Variants in LPXN observed in about 807,000 individuals in gnomAD.
The protein encoded by LPXN is leupaxin.
Under a neutral mutation model 45.6 loss-of-function variants are expected in LPXN, and 28 were observed. The observed-to-expected ratio is 0.61, with a 90% CI of 0.45 to 0.84. LPXN has a LOEUF of 0.84. Ranked by LOEUF, LPXN falls within the 40% of genes least tolerant of loss-of-function variation. The pLI, the probability that LPXN is intolerant of heterozygous loss-of-function variation, is 0.00. For synonymous variants in LPXN, 166 were observed against 169.9 expected, an observed-to-expected ratio of 0.98 and a Z score of 0.18; for missense variants, 459 against 475.0, an observed-to-expected ratio of 0.97 and a Z score of 0.31.
intron 1 of LPXN, among the ~76,000 whole-genome samples, chr11:58,572,834 G>T (rs917656918): frequency 6.6e-6 from 1 of 152,148 alleles, no homozygotes; most frequent in Non-Finnish European, 1.5e-5. Flanking sequence ...TATATATGAA[G>T]TAAGACTGAT....
At chr11:58,534,042 CAA>C (rs1853475691) in intron 7 of LPXN, among the ~76,000 whole-genome samples, 1 of 152,182 alleles carries the variant, frequency 6.6e-6, no homozygotes, top group African/African-American at 2.4e-5. Context: ...TAGAGACCTA[CAA>C]AGACTCTTAG....
At chr11:58,576,102 G>T (rs1196140972), upstream of LPXN, among the ~76,000 whole-genome samples, 1 of 151,986 alleles carries the variant, frequency 6.6e-6, no homozygotes. Context: ...ATTCATCTTG[G>T]ATTCATGGGA....
chr11:58,547,353 A>G (rs758547689), intron 7 of LPXN, among the ~76,000 whole-genome samples: 15 of 152,220 alleles, frequency 9.9e-5, no homozygotes, highest in Non-Finnish European at 1.8e-4. Flanking sequence ...TGACAAGGAG[A>G]GAATAGCTAG....
Position 58,549,974 on chromosome 11 carries a change from T to C in LPXN, c.659A>G (p.Asp220Gly). 1 of 1,614,090 alleles carries C rather than the reference T, an allele frequency of 6.2e-7. No homozygotes were observed. Among genetic ancestry groups the C allele is most frequent in the Non-Finnish European group, 8.5e-7 (1 of 1,179,948 alleles). The part of the protein sequence containing the change: ...RCAYCAAPIL[D>G]KVLTAMNQTW... The stretch of plus-strand genomic sequence containing the variant: ...GGAGAGGAGCGGGGATTTACTTACA[T>C]CCAGGATGGGAGCAGCGCAGTAAGC... Residue 220 changes from aspartate to glycine, a missense_variant and splice_region_variant, in exon 6 of 9, where the codon GAT becomes GGT. Asp to Gly is a moderately conservative substitution (Grantham distance 94). Coordinates refer to ENST00000395074, the MANE Select transcript of LPXN (RefSeq NM_004811.3).
intron 2 of LPXN, among the ~76,000 whole-genome samples, chr11:58,570,278 T>C (rs1239379253): frequency 6.7e-6 from 1 of 150,004 alleles, no homozygotes. Flanking sequence ...ACTCCAGCCT[T>C]GGAGACAGAG....
chr11:58,564,191 A>G lies in LPXN; in HGVS notation c.182T>C (p.Val61Ala), dbSNP rs745776960. The part of the protein sequence containing the change: ...DNTSPLPAQL[V>A]YTTNIQELNV... The stretch of plus-strand genomic sequence containing the variant: ...GAGCTCCTGGATATTGGTAGTATAC[A>G]CGAGCTGCGCCTAAGATATATAAGT... The change falls in exon 3 of 9, where the codon GTG becomes GCG. Residue 61 changes from valine (V) to alanine (A), a missense_variant. Transcript: ENST00000395074. 6.2e-7 allele frequency: 1 copy of G among 1,605,204 alleles called. No individual in the cohort carries two copies. Among genetic ancestry groups the G allele is most frequent in the South Asian group, 1.1e-5 (1 of 89,452 alleles).
At chr11:58,550,316 T>G (rs556835761) in intron 5 of LPXN, among the ~76,000 whole-genome samples, 170 bp from the exon 6 acceptor site, 1 of 152,364 alleles carries the variant, frequency 6.6e-6, no homozygotes, top group African/African-American at 2.4e-5. Context: ...CCATCTGTGG[T>G]CTGTGCTTTA....
chr11:58,528,264 C>G, intron 7 of LPXN, 73 bp from the exon 8 acceptor site: 1 of 1,349,106 alleles, frequency 7.4e-7, no homozygotes, highest in Non-Finnish European at 1.0e-6. Context: ...TGAGAGGAGG[C>G]CCTTTCAATC....
rs1590567926 is a variant in LPXN, at chr11:58,558,468, C to T, written c.219-3528G>A. ...AGGAGGATCACTTTGGCCCAGGAGGCCAAGGCTGCAGTGAGTTGTGATCAC... is the reference window on the plus strand; with the variant it reads ...AGGAGGATCACTTTGGCCCAGGAGGTCAAGGCTGCAGTGAGTTGTGATCAC... On this transcript the variant is annotated intron_variant, in intron 3 of 8. Coordinates refer to ENST00000395074, the MANE Select transcript of LPXN (RefSeq NM_004811.3). Among the ~76,000 whole-genome samples the T allele has an allele frequency of 2.1e-5, 3 of 142,370 alleles. No individual in the cohort carries two copies. In the South Asian group the frequency reaches 6.7e-4, roughly 32 times the overall value. 93.4% of individuals were successfully genotyped at this position (142,370 alleles called of 152,430 possible).
chr11:58,569,919 T>G (rs1303159389), intron 2 of LPXN, among the ~76,000 whole-genome samples: 1 of 152,176 alleles, frequency 6.6e-6, no homozygotes, highest in Non-Finnish European at 1.5e-5. Flanking sequence ...CCAGTCAAAC[T>G]GCAACAGGCA....
At chr11:58,559,814 T>G (rs1041988969) in intron 3 of LPXN, among the ~76,000 whole-genome samples, 1 of 152,186 alleles carries the variant, frequency 6.6e-6, no homozygotes, top group African/African-American at 2.4e-5. Flanking sequence ...AGGTCAAGGC[T>G]GCAGTGAGCC....
In LPXN at chr11:58,550,257, G is replaced by T; in HGVS notation, c.487-111C>A. 6.0e-6 allele frequency: 6 copies of T among 1,003,972 alleles called. No homozygotes were observed. The South Asian group carries it at 7.2e-5, about 12-fold the overall frequency. 62.2% of individuals were successfully genotyped at this position (1,003,972 alleles called of 1,614,324 possible). A position where few individuals can be genotyped will look rare whatever the true frequency, so the allele number is the denominator to read the frequency against. On this transcript the variant is annotated intron_variant, in intron 5 of 8. Coordinates refer to ENST00000395074, the MANE Select transcript of LPXN (RefSeq NM_004811.3). ...ACATTGTACCCCTTGTAGACAACAC[G>T]CCCTGGAATTATACAACACTGAGGC...
intron 1 of LPXN, among the ~76,000 whole-genome samples, chr11:58,573,212 C>T (rs1854762846): frequency 6.7e-6 from 1 of 148,496 alleles, no homozygotes; most frequent in South Asian, 2.1e-4. Flanking sequence ...TGCCATTGCA[C>T]TCCAGCCTGG....
chr11:58,564,967 T>G (rs1854484836), intron 2 of LPXN, among the ~76,000 whole-genome samples: 1 of 152,082 alleles, frequency 6.6e-6, no homozygotes, highest in Non-Finnish European at 1.5e-5. Flanking sequence ...GGAGCATCTG[T>G]GGAACCACGA....
At chr11:58,535,466 A>G (rs760156462) in intron 7 of LPXN, among the ~76,000 whole-genome samples, 87 of 152,296 alleles carry the variant, frequency 5.7e-4, no homozygotes, top group Non-Finnish European at 1.1e-3. Flanking sequence ...ATAAAATTTA[A>G]CACCCCTTCA....
At chr11:58,544,590 A>G (rs1002324152) in intron 7 of LPXN, among the ~76,000 whole-genome samples, 26 of 152,176 alleles carry the variant, frequency 1.7e-4, no homozygotes, top group Non-Finnish European at 3.4e-4. Flanking sequence ...CAGGAAAGAA[A>G]TCAAAAGCAA....
At chr11:58,531,700 AC>A (rs1853392583) in intron 7 of LPXN, among the ~76,000 whole-genome samples, 1 of 152,218 alleles carries the variant, frequency 6.6e-6, no homozygotes, top group Non-Finnish European at 1.5e-5. Context: ...TTCAGGAAAT[AC>A]AGAGAACACC....
chr11:58,530,941 C>T (rs866679388), intron 7 of LPXN, among the ~76,000 whole-genome samples: 14 of 152,114 alleles, frequency 9.2e-5, no homozygotes, highest in Admixed American at 4.6e-4. Context: ...AGCAAACTCC[C>T]GTGGACTTGT....
At chr11:58,547,416 C>T (rs565165795) in intron 7 of LPXN, among the ~76,000 whole-genome samples, 11 of 152,252 alleles carry the variant, frequency 7.2e-5, no homozygotes, top group Admixed American at 2.0e-4. Context: ...GTCTTAATCC[C>T]GAAAAGAATT....
Sources: allele counts gnomAD v4.1 joint callset (sites outside exome capture counted in the v4.1 genomes callset), GRCh38; gene constraint gnomAD v4.1.1; transcripts MANE v1.5; gene names NCBI Gene and HGNC (gene_info 2026-07-23, HGNC 2026-07-21).